The following EIF4G3 variants were observed in gnomAD, a reference collection of about 807,000 sequenced individuals.
EIF4G3 encodes eukaryotic translation initiation factor 4 gamma 3, also known as eIF-4-gamma 3.
A neutral mutation model predicts 186.4 loss-of-function variants in EIF4G3; 34 were observed. The observed-to-expected ratio is 0.18, with a 90% CI of 0.14 to 0.24. EIF4G3 has a LOEUF of 0.24. Ranked by LOEUF, EIF4G3 falls within the 10% of genes least tolerant of loss-of-function variation. The probability of loss-of-function intolerance (pLI) is 1.00; values close to 1 mark genes in which losing one functional copy is unlikely to be tolerated. For missense variants in EIF4G3, 1,536 were observed against 1,948.5 expected (o/e 0.79, Z 3.99); for synonymous variants, 673 against 679.5 (o/e 0.99, Z 0.15).
chr1:21,158,238 C>G lies in EIF4G3; in HGVS notation c.-272+17937G>C, dbSNP rs921903758. Reference sequence around the variant, plus strand: ...TCACCCAGGCTGGAGTGGAGTGGTGCGATCTCCACTCACTGCAGCCTCCAC... The same window carrying G: ...TCACCCAGGCTGGAGTGGAGTGGTGGGATCTCCACTCACTGCAGCCTCCAC... On this transcript the variant is annotated intron_variant, in intron 2 of 36. Coordinates refer to ENST00000602326, the MANE Select transcript of EIF4G3 (RefSeq NM_001391906.1). 4.5e-5 allele frequency among the ~76,000 whole-genome samples: 6 copies of G among 134,108 alleles called. No individual in the cohort carries two copies. The South Asian group carries it at 7.0e-4, about 16-fold the overall frequency. The allele number at this position is 134,108 out of a possible 152,430, so 88.0% of individuals were successfully genotyped here.
At chr1:21,141,830 T>C (rs1005513374) in intron 2 of EIF4G3, among the ~76,000 whole-genome samples, 23 of 151,528 alleles carry the variant, frequency 1.5e-4, no homozygotes, top group Middle Eastern at 6.8e-3. Context: ...ACTAGAGAGG[T>C]TGAAGGGGAA....
intron 19 of EIF4G3, 51 bp from the exon 20 acceptor site, chr1:20,879,571 G>C: frequency 8.9e-7 from 1 of 1,128,808 alleles, no homozygotes; most frequent in East Asian, 2.8e-5. Context: ...GTGACAATAT[G>C]GTGCTTTCTG....
At chr1:21,008,225 TA>T (rs2085861754) in intron 4 of EIF4G3, among the ~76,000 whole-genome samples, 1 of 152,182 alleles carries the variant, frequency 6.6e-6, no homozygotes, top group African/African-American at 2.4e-5. Context: ...TTTTTGATAA[TA>T]AAAATTAAAT....
At chr1:20,890,898 G>GTTAT (rs2085796065) in intron 18 of EIF4G3, among the ~76,000 whole-genome samples, 1 of 152,170 alleles carries the variant, frequency 6.6e-6, no homozygotes. Flanking sequence ...CTTGTGTTAA[G>GTTAT]GCTTAACATA....
At chr1:21,154,195 G>A (rs1436060623) in intron 2 of EIF4G3, among the ~76,000 whole-genome samples, 1 of 152,178 alleles carries the variant, frequency 6.6e-6, no homozygotes, top group Non-Finnish European at 1.5e-5. Flanking sequence ...TCTTCCCTAG[G>A]AATGTGCCTC....
At chr1:21,062,406 A>C (rs146798221) in intron 3 of EIF4G3, among the ~76,000 whole-genome samples, 2 of 152,194 alleles carry the variant, frequency 1.3e-5, no homozygotes, top group African/African-American at 4.8e-5. Context: ...TCAGAGAATA[A>C]ATCAGTAATA....
chr1:20,946,580 C>T (rs543392228), intron 13 of EIF4G3, among the ~76,000 whole-genome samples: 1 of 152,270 alleles, frequency 6.6e-6, no homozygotes, highest in South Asian at 2.1e-4. Flanking sequence ...TTAATAATGG[C>T]AGCTAACATT....
At chr1:21,172,642 G>A (rs942032484) in intron 2 of EIF4G3, among the ~76,000 whole-genome samples, 2 of 152,084 alleles carry the variant, frequency 1.3e-5, no homozygotes, top group African/African-American at 4.8e-5. Context: ...TCCGCCTCGC[G>A]GGTTCACGCC....
At position 20,989,725 on chromosome 1, in the gene EIF4G3, T is replaced by C. The variant is rs12064169; in HGVS notation, c.178-7317A>G. On this transcript the variant is annotated intron_variant, in intron 7 of 36. Transcript: ENST00000602326. ...TACTCCCGGTAAGGAGCTGTGAACA[T>C]TGTTGAAAGGACAACAAAAGATTTA... is the stretch of plus-strand genomic sequence containing the variant. Among the ~76,000 whole-genome samples, 822 of 152,242 alleles carry C rather than the reference T, an allele frequency of 5.4e-3. 20 individuals carry two copies. The highest frequency in any genetic ancestry group is 0.05 in the South Asian group (242 of 4,826).
intron 14 of EIF4G3, among the ~76,000 whole-genome samples, chr1:20,940,116 A>G (rs2095661230): frequency 6.6e-6 from 1 of 152,072 alleles, no homozygotes; most frequent in Non-Finnish European, 1.5e-5. Context: ...TCGGCCTCCC[A>G]AAGTGCAGGG....
At chr1:21,036,331 C>T (rs1415740823) in intron 4 of EIF4G3, among the ~76,000 whole-genome samples, 1 of 152,174 alleles carries the variant, frequency 6.6e-6, no homozygotes, top group Admixed American at 6.5e-5. Context: ...TCCTCTTCAT[C>T]TTGTACACTC....
At chr1:20,839,026 T>C (rs999188747) in intron 30 of EIF4G3, among the ~76,000 whole-genome samples, 1 of 152,084 alleles carries the variant, frequency 6.6e-6, no homozygotes, top group Non-Finnish European at 1.5e-5. Flanking sequence ...TCGCCCAGAA[T>C]GGAGTGCAGT....
At chr1:21,102,977 AAACC>A (rs1295990919) in intron 2 of EIF4G3, among the ~76,000 whole-genome samples, 1 of 152,218 alleles carries the variant, frequency 6.6e-6, no homozygotes, top group African/African-American at 2.4e-5. Flanking sequence ...ATTTATATTG[AAACC>A]AACTATATTA....
intron 16 of EIF4G3, 105 bp downstream of exon 16, chr1:20,899,592 T>A (rs2089615341): frequency 7.2e-7 from 1 of 1,380,844 alleles, no homozygotes; most frequent in Non-Finnish European, 9.9e-7. Flanking sequence ...TATATTGTGA[T>A]AAACCTCTTT....
At chr1:20,841,814 T>C in intron 29 of EIF4G3, among the ~76,000 whole-genome samples, 1 of 146,374 alleles carries the variant, frequency 6.8e-6, no homozygotes, top group East Asian at 2.1e-4. Flanking sequence ...GTGCCCTGAA[T>C]TCACAATCTT....
At chr1:20,899,179 A>T (rs755551096) in intron 16 of EIF4G3, among the ~76,000 whole-genome samples, 5 of 152,216 alleles carry the variant, frequency 3.3e-5, no homozygotes, top group Non-Finnish European at 7.4e-5. Context: ...TCCAGGGTTT[A>T]TATTTGTTTA....
At chr1:21,132,515 G>C (rs2097171001) in intron 2 of EIF4G3, among the ~76,000 whole-genome samples, 1 of 151,778 alleles carries the variant, frequency 6.6e-6, no homozygotes, top group South Asian at 2.1e-4. Context: ...GCTCACCAGA[G>C]CCTGGATTTC....
At chr1:20,889,608 A>G (rs1425277721) in intron 18 of EIF4G3, among the ~76,000 whole-genome samples, 1 of 151,852 alleles carries the variant, frequency 6.6e-6, no homozygotes, top group Non-Finnish European at 1.5e-5. Flanking sequence ...CTCCTGCCTC[A>G]GCCTCCCGAG....
At chr1:21,048,365 T>C (rs532709378) in intron 4 of EIF4G3, among the ~76,000 whole-genome samples, 1 of 152,142 alleles carries the variant, frequency 6.6e-6, no homozygotes, top group African/African-American at 2.4e-5. Context: ...GGATCTGAGC[T>C]CTATAAATAT....
Sources: gnomAD v4.1 joint callset for allele counts (sites outside exome capture counted in the v4.1 genomes callset) on GRCh38, gnomAD v4.1.1 for gene constraint, MANE v1.5 for transcripts, NCBI Gene and HGNC (gene_info 2026-07-23, HGNC 2026-07-21) for gene names.